DOK7: variants seen among roughly 807,000 people sequenced by gnomAD.
The protein encoded by DOK7 is docking protein 7.
In DOK7, 32 loss-of-function variants were observed where a neutral mutation model predicts 30.7. The ratio of observed to expected loss-of-function variants is 1.04; its 90% confidence interval spans 0.79 to 1.40. The LOEUF (loss-of-function observed/expected upper bound fraction) is 1.40, where lower values mean the gene tolerates loss of function less well. Ranked by LOEUF, DOK7 falls within the 40% of genes most tolerant of loss-of-function variation. The pLI is 0.00. For synonymous variants in DOK7, 447 were observed against 324.1 expected (o/e 1.38, Z -4.07); for missense variants, 1,007 against 699.2 (o/e 1.44, Z -4.97).
chr4:3,498,854 T>C (rs1418844105), downstream of DOK7, among the ~76,000 whole-genome samples: 1 of 152,082 alleles, frequency 6.6e-6, no homozygotes, highest in Non-Finnish European at 1.5e-5. Context: ...CCAGGCAGGG[T>C]TGGGGCAGAA....
intron 5 of DOK7, among the ~76,000 whole-genome samples, chr4:3,487,248 A>G (rs867571262): frequency 6.6e-6 from 1 of 152,092 alleles, no homozygotes; most frequent in Non-Finnish European, 1.5e-5. Context: ...CTGGGACACT[A>G]TGCTGGGCAG....
At chr4:3,489,857 A>C in intron 6 of DOK7, 61 bp downstream of exon 6, 1 of 1,544,204 alleles carries the variant, frequency 6.5e-7, no homozygotes, top group Admixed American at 1.9e-5. Context: ...AGGAGAGCTC[A>C]GGAGGCATCC....
intron 5 of DOK7, among the ~76,000 whole-genome samples, chr4:3,487,207 G>C (rs1280065163): frequency 7.4e-6 from 1 of 135,792 alleles, no homozygotes; most frequent in South Asian, 2.7e-4. Context: ...CAGGTGTGTG[G>C]GGGCCTCAGG....
chr4:3,476,624 C>G, intron 4 of DOK7, 82 bp downstream of exon 4: 1 of 1,569,054 alleles, frequency 6.4e-7, no homozygotes, highest in South Asian at 1.1e-5. Context: ...GGCCGGCCGA[C>G]CCCACTTGCA....
intron 4 of DOK7, among the ~76,000 whole-genome samples, chr4:3,477,761 C>T (rs1727188264): frequency 6.6e-6 from 1 of 151,846 alleles, no homozygotes; most frequent in Admixed American, 6.5e-5. Context: ...AGGGCCTTGG[C>T]CCCTCTGGGA....
downstream of DOK7, among the ~76,000 whole-genome samples, chr4:3,496,223 C>T (rs1017805221): frequency 6.6e-6 from 1 of 152,264 alleles, no homozygotes; most frequent in Non-Finnish European, 1.5e-5. Context: ...TGGGGCACCC[C>T]GTTAGGCACG....
chr4:3,463,343 G>T lies in DOK7; in HGVS notation c.-33G>T. ...AAGTGACCCTGGGCTGGGGCGCCGG[G>T]GCGAGCGCGGCGGCGCGGAACCATG... On this transcript the variant is annotated 5_prime_UTR_variant, in exon 1 of 7. Coordinates refer to ENST00000340083, the MANE Select transcript of DOK7 (RefSeq NM_173660.5). 1 of 1,446,644 alleles carries T rather than the reference G, an allele frequency of 6.9e-7. No homozygotes were observed. Among genetic ancestry groups the T allele is most frequent in the South Asian group, 1.5e-5 (1 of 68,104 alleles). 89.6% of individuals were successfully genotyped at this position (1,446,644 alleles called of 1,614,324 possible).
chr4:3,501,026 C>T (rs888775182), exon 8 of DOK7: 17 of 797,488 alleles, frequency 2.1e-5, no homozygotes, highest in Middle Eastern at 3.8e-4. Flanking sequence ...CACAGGTGTC[C>T]GGGGCTGACC....
At chr4:3,492,731 A>G (rs1577181539) in intron 6 of DOK7, 28 bp from the exon 7 acceptor site, 1 of 1,610,964 alleles carries the variant, frequency 6.2e-7, no homozygotes, top group East Asian at 2.2e-5. Context: ...TACCCCCACA[A>G]CTGCCTTGGC....
intron 2 of DOK7, among the ~76,000 whole-genome samples, chr4:3,467,773 T>A (rs1364847081): frequency 1.3e-5 from 2 of 152,122 alleles, no homozygotes; most frequent in South Asian, 2.1e-4. Context: ...TTCTGGGGGC[T>A]GGAGGTCCAA....
chr4:3,477,881 C>T (rs924917961), intron 4 of DOK7, among the ~76,000 whole-genome samples: 4 of 152,178 alleles, frequency 2.6e-5, no homozygotes, highest in African/African-American at 9.7e-5. Flanking sequence ...CTGTCGGGGT[C>T]CCATCTGCCC....
At chr4:3,482,632 G>A (rs1377384901) in intron 4 of DOK7, among the ~76,000 whole-genome samples, 2 of 152,266 alleles carry the variant, frequency 1.3e-5, no homozygotes, top group East Asian at 1.9e-4. Flanking sequence ...CAGAGTGGCC[G>A]GCTTTGCTGC....
exon 8 of DOK7, chr4:3,500,755 G>A: frequency 1.3e-6 from 2 of 1,535,272 alleles, no homozygotes; most frequent in East Asian, 2.4e-5. Context: ...CACAGAGTGG[G>A]GGTGCGGCAC....
chr4:3,473,326 C>T (rs1028896195), intron 2 of DOK7, 80 bp from the exon 3 acceptor site: 190 of 1,440,640 alleles, frequency 1.3e-4, no homozygotes, highest in Non-Finnish European at 1.7e-4. Flanking sequence ...GGTCTCTGCA[C>T]TGTCACGGCC....
Position 3,493,464 on chromosome 4 carries a change from C to G in DOK7, c.1478C>G (p.Pro493Arg). The G allele has an allele frequency of 6.2e-7, 1 of 1,610,774 alleles. No individual in the cohort carries two copies. Among genetic ancestry groups the G allele is most frequent in the Non-Finnish European group, 8.5e-7 (1 of 1,179,172 alleles). Residue 493 changes from proline (P) to arginine (R), a missense_variant, in exon 7 of 7, where the codon CCA becomes CGA. Coordinates refer to ENST00000340083, the MANE Select transcript of DOK7 (RefSeq NM_173660.5). ...GPPPAFFSACPVCGGLKVNPP... is the reference protein window; with the variant it reads ...GPPPAFFSACRVCGGLKVNPP... Reference sequence around the variant, plus strand: ...CCCCCGGCTTTCTTTTCGGCATGTCCAGTCTGTGGAGGACTCAAGGTAAAC... The same window carrying G: ...CCCCCGGCTTTCTTTTCGGCATGTCGAGTCTGTGGAGGACTCAAGGTAAAC...
intron 6 of DOK7, among the ~76,000 whole-genome samples, chr4:3,490,194 TC>T: frequency 6.6e-5 from 4 of 60,844 alleles, no homozygotes; most frequent in African/African-American, 3.3e-4. Flanking sequence ...CCCCACTCAT[TC>T]CTTCCCCCCT....
chr4:3,474,413 C>T (rs1425386818), intron 3 of DOK7, among the ~76,000 whole-genome samples: 1 of 152,188 alleles, frequency 6.6e-6, no homozygotes, highest in Non-Finnish European at 1.5e-5. Flanking sequence ...GGCACGGTGG[C>T]TCATACCTGT....
At chr4:3,463,695 C>G (rs1726111004) in intron 2 of DOK7, 144 bp downstream of exon 2, 1 of 1,101,174 alleles carries the variant, frequency 9.1e-7, no homozygotes. Flanking sequence ...ACCCGGACCC[C>G]CCGGCGCCCC....
intron 4 of DOK7, among the ~76,000 whole-genome samples, chr4:3,477,205 G>A (rs1327588688): frequency 6.6e-6 from 1 of 152,282 alleles, no homozygotes; most frequent in African/African-American, 2.4e-5. Flanking sequence ...CCCATGTTGG[G>A]TGCAGATGCG....
Sources: gnomAD v4.1 joint callset for allele counts (sites outside exome capture counted in the v4.1 genomes callset) on GRCh38, gnomAD v4.1.1 for gene constraint, MANE v1.5 for transcripts, NCBI Gene and HGNC (gene_info 2026-07-23, HGNC 2026-07-21) for gene names.